DEFB125: variants seen among roughly 807,000 people sequenced by gnomAD.
DEFB125 encodes beta-defensin 125.
In DEFB125, 11 loss-of-function variants were observed where a neutral mutation model predicts 11.8. The observed-to-expected ratio is 0.94, with a 90% CI of 0.59 to 1.55. The LOEUF (loss-of-function observed/expected upper bound fraction) is 1.55. Among genes scored for constraint, DEFB125 ranks in the 40% most tolerant of loss-of-function variants. The pLI, the probability that DEFB125 is intolerant of heterozygous loss-of-function variation, is 0.00. For synonymous variants in DEFB125, 79 were observed against 66.7 expected (o/e 1.18, Z -0.90); for missense variants, 198 against 191.2 (o/e 1.04, Z -0.21).
At chr20:89,036 A>C (rs946263393) in intron 1 of DEFB125, among the ~76,000 whole-genome samples, 1 of 152,102 alleles carries the variant, frequency 6.6e-6, no homozygotes, top group African/African-American at 2.4e-5. Flanking sequence ...TTACAGTCTA[A>C]TATGTGAAAA....
intron 1 of DEFB125, among the ~76,000 whole-genome samples, chr20:91,254 T>C (rs995110639): frequency 2.0e-5 from 3 of 152,228 alleles, no homozygotes; most frequent in African/African-American, 7.2e-5. Context: ...TCTCCTACTC[T>C]GTGGGCTACA....
intron 1 of DEFB125, among the ~76,000 whole-genome samples, chr20:94,640 C>T (rs1240399382): frequency 1.3e-5 from 2 of 152,206 alleles, no homozygotes; most frequent in African/African-American, 2.4e-5. Context: ...TGGTTCCTAA[C>T]AGGCCATGGA....
In DEFB125 at chr20:96,196, G is replaced by T; in HGVS notation, c.250G>T (p.Asp84Tyr). The change falls in exon 2 of 2, where the codon GAT (aspartate) becomes TAT (tyrosine). Residue 84 changes from aspartate (D) to tyrosine (Y), a missense_variant. By Grantham distance (160) the Asp-to-Tyr change is radical. Coordinates refer to ENST00000382410, the MANE Select transcript of DEFB125 (RefSeq NM_153325.4). ...HLEDITLDYSDVDSFTGSPVS... is the reference protein window; with the variant it reads ...HLEDITLDYSYVDSFTGSPVS... ...AGAGGATATAACATTGGATTATAGT[G>T]ATGTGGACTCTTTTACTGGTTCCCC... The T allele has an allele frequency of 6.2e-7, 1 of 1,614,166 alleles. No individual in the cohort carries two copies. The highest frequency in any genetic ancestry group is 8.5e-7 in the Non-Finnish European group (1 of 1,180,028).
chr20:92,184 T>A (rs983603509), intron 1 of DEFB125, among the ~76,000 whole-genome samples: 2 of 152,152 alleles, frequency 1.3e-5, no homozygotes, highest in Admixed American at 1.3e-4. Context: ...TAGAGCCTTA[T>A]CTCTAGCTGC....
chr20:93,050 A>G (rs1288118613), intron 1 of DEFB125, among the ~76,000 whole-genome samples: 2 of 149,206 alleles, frequency 1.3e-5, no homozygotes, highest in African/African-American at 5.0e-5. Flanking sequence ...GGCTTACTGC[A>G]ACCTTCGCCT....
At chr20:92,459 C>T (rs1391997761) in intron 1 of DEFB125, among the ~76,000 whole-genome samples, 1 of 149,970 alleles carries the variant, frequency 6.7e-6, no homozygotes, top group Non-Finnish European at 1.5e-5. Flanking sequence ...GTGGCCCAAT[C>T]TCGGCTCATT....
Position 87,696 on chromosome 20 carries a change from C to G in DEFB125, c.-14C>G, listed in dbSNP as rs753248151. The G allele has an allele frequency of 1.3e-5, 21 of 1,612,830 alleles. No individual in the cohort carries two copies. The South Asian group carries it at 1.4e-4, about 11-fold the overall frequency. On this transcript the variant is annotated 5_prime_UTR_variant, in exon 1 of 2. Coordinates refer to ENST00000382410, the MANE Select transcript of DEFB125 (RefSeq NM_153325.4). ...TATTCCTCAGGACACAGAGCTTCCTCTCTCCCAGGAGCCATGAATATCCTG... is the reference window on the plus strand; with the variant it reads ...TATTCCTCAGGACACAGAGCTTCCTGTCTCCCAGGAGCCATGAATATCCTG...
intron 1 of DEFB125, among the ~76,000 whole-genome samples, chr20:88,987 G>T (rs2054486993): frequency 6.6e-6 from 1 of 151,716 alleles, no homozygotes; most frequent in African/African-American, 2.4e-5. Context: ...AGTCCTTTTT[G>T]TTTTTTCTAC....
intron 1 of DEFB125, among the ~76,000 whole-genome samples, chr20:95,007 C>T (rs533177331): frequency 6.6e-6 from 1 of 152,306 alleles, no homozygotes; most frequent in South Asian, 2.1e-4. Flanking sequence ...TGCTGGCCAG[C>T]AGTTGATAGA....
chr20:92,713 C>T (rs1600134561), intron 1 of DEFB125, among the ~76,000 whole-genome samples: 1 of 151,982 alleles, frequency 6.6e-6, no homozygotes, highest in South Asian at 2.1e-4. Context: ...TTTTAGACAA[C>T]TATTTTGTCC....
chr20:89,978 G>T (rs1405031095), intron 1 of DEFB125, among the ~76,000 whole-genome samples: 1 of 152,104 alleles, frequency 6.6e-6, no homozygotes, highest in Non-Finnish European at 1.5e-5. Flanking sequence ...GTGTTTTCAA[G>T]TGAGATAGCA....
intron 1 of DEFB125, among the ~76,000 whole-genome samples, chr20:93,706 G>A (rs6135141): frequency 0.22 from 32,884 of 152,010 alleles, 4,572 homozygotes; most frequent in East Asian, 0.35. Flanking sequence ...CTGTTTTCAT[G>A]CATATCAGCC....
At chr20:94,728 A>AC (rs2054508636) in intron 1 of DEFB125, among the ~76,000 whole-genome samples, 1 of 151,720 alleles carries the variant, frequency 6.6e-6, no homozygotes, top group Non-Finnish European at 1.5e-5. Flanking sequence ...TCTAGGTGTA[A>AC]TTTTCTATCT....
intron 1 of DEFB125, 67 bp from the exon 2 acceptor site, chr20:95,938 G>A: frequency 2.1e-6 from 3 of 1,441,940 alleles, no homozygotes; most frequent in South Asian, 2.9e-5. Context: ...GTAAATTTTT[G>A]AATGAATGAA....
rs2054514223 is a variant in DEFB125, at chr20:96,118, T to G, written c.172T>G (p.Ser58Ala). The G allele has an allele frequency of 6.2e-7, 1 of 1,614,202 alleles. No homozygotes were observed. The part of the protein sequence containing the change: ...LCRNKLSCCI[S>A]IISHEYTRRP... ...TAGGAACAAGCTATCATGCTGCATT[T>G]CTATAATATCACATGAATATACTCG... The change falls in exon 2 of 2, where the codon TCT becomes GCT. Residue 58 changes from serine (S) to alanine (A), a missense_variant. Physicochemically the swap from Ser to Ala is moderately conservative, Grantham distance 99. Transcript: ENST00000382410.
rs1444988060 is a variant in DEFB125, at chr20:87,866, A to T, written c.58+99A>T. 3.1e-6 allele frequency: 4 copies of T among 1,297,656 alleles called. No homozygotes were observed. In the African/African-American group the frequency reaches 4.4e-5, roughly 14 times the overall value. The allele number at this position is 1,297,656 out of a possible 1,614,324, so 80.4% of individuals were successfully genotyped here. ...GGGAAGAGAGGGAATCTGCAGGAAA[A>T]ATCTGGGCCAACAAAGAGCAGCAGA... On this transcript the variant is annotated intron_variant, in intron 1 of 1. Transcript: ENST00000382410.
At chr20:88,447 A>T (rs976925954) in intron 1 of DEFB125, among the ~76,000 whole-genome samples, 1 of 152,158 alleles carries the variant, frequency 6.6e-6, no homozygotes, top group South Asian at 2.1e-4. Flanking sequence ...GTATCAAGCA[A>T]TCGATGGATT....
chr20:96,174 G>A lies in DEFB125; in HGVS notation c.228G>A (p.Glu76=), dbSNP rs748878197. Residue 76 remains glutamate (E), a synonymous_variant, in exon 2 of 2, where the codon GAG becomes GAA. Coordinates refer to ENST00000382410, the MANE Select transcript of DEFB125 (RefSeq NM_153325.4). ...RRPAFPVIHL[E]DITLDYSDVD... Reference sequence around the variant, plus strand: ...CAGCATTTCCTGTGATTCACCTAGAGGATATAACATTGGATTATAGTGATG... The same window carrying A: ...CAGCATTTCCTGTGATTCACCTAGAAGATATAACATTGGATTATAGTGATG... The A allele has an allele frequency of 1.2e-6, 2 of 1,614,084 alleles. No homozygotes were observed. Among genetic ancestry groups the A allele is most frequent in the Non-Finnish European group, 1.7e-6 (2 of 1,180,018 alleles).
rs771807843 is a variant in DEFB125 at position 96,143 on chromosome 20, G to A, written c.197G>A (p.Arg66Gln). Residue 66 changes from arginine (R) to glutamine (Q), a missense_variant, in exon 2 of 2, where the codon CGA (arginine) becomes CAA (glutamine). By Grantham distance (43) the Arg-to-Gln change is conservative. Coordinates refer to ENST00000382410, the MANE Select transcript of DEFB125 (RefSeq NM_153325.4). ...TCTATAATATCACATGAATATACTC[G>A]ACGACCAGCATTTCCTGTGATTCAC... is the stretch of plus-strand genomic sequence containing the variant. ...CISIISHEYTRRPAFPVIHLE... is the reference protein window; with the variant it reads ...CISIISHEYTQRPAFPVIHLE... 109 of 1,613,928 alleles carry A rather than the reference G, an allele frequency of 6.8e-5. No homozygotes were observed. Among genetic ancestry groups the A allele is most frequent in the Non-Finnish European group, 8.1e-5 (95 of 1,180,026 alleles).
Sources: allele counts gnomAD v4.1 joint callset (sites outside exome capture counted in the v4.1 genomes callset), GRCh38; gene constraint gnomAD v4.1.1; transcripts MANE v1.5; gene names NCBI Gene and HGNC (gene_info 2026-07-23, HGNC 2026-07-21).